The following PTPRM variants were observed in gnomAD, a reference collection of about 807,000 sequenced individuals.
PTPRM encodes receptor-type tyrosine-protein phosphatase mu.
In PTPRM, 47 loss-of-function variants were observed where a neutral mutation model predicts 186.7. That is an observed-to-expected ratio of 0.25 (90% CI 0.20 to 0.32). The LOEUF (loss-of-function observed/expected upper bound fraction) is 0.32, where lower values mean the gene tolerates loss of function less well. Among genes scored for constraint, PTPRM ranks in the 10% least tolerant of loss-of-function variants. PTPRM has a pLI of 1.00. For missense variants in PTPRM, 1,494 were observed against 1,865.0 expected, an observed-to-expected ratio of 0.80 and a Z score of 3.66; for synonymous variants, 668 against 674.9, an observed-to-expected ratio of 0.99 and a Z score of 0.16.
At chr18:7,950,275 G>A (rs986979641) in intron 6 of PTPRM, among the ~76,000 whole-genome samples, 2 of 152,142 alleles carry the variant, frequency 1.3e-5, no homozygotes, top group African/African-American at 2.4e-5. Flanking sequence ...TGTGGTGGCA[G>A]TGCCTATACT....
At chr18:8,249,234 C>T (rs527917940) in intron 17 of PTPRM, among the ~76,000 whole-genome samples, 14 of 152,110 alleles carry the variant, frequency 9.2e-5, no homozygotes, top group East Asian at 3.9e-4. Flanking sequence ...TAAGTTGTTA[C>T]GATTTTTGTA....
chr18:8,335,774 C>T (rs936038987), intron 22 of PTPRM, among the ~76,000 whole-genome samples: 1 of 152,164 alleles, frequency 6.6e-6, no homozygotes, highest in African/African-American at 2.4e-5. Context: ...GTAATCCCAG[C>T]ACTTTGGGAA....
At chr18:8,330,169 C>T (rs1027946391) in intron 22 of PTPRM, among the ~76,000 whole-genome samples, 1 of 152,066 alleles carries the variant, frequency 6.6e-6, no homozygotes, top group Non-Finnish European at 1.5e-5. Context: ...AAAATAAGAC[C>T]AAGTGCAGCC....
intron 7 of PTPRM, among the ~76,000 whole-genome samples, chr18:7,988,149 C>T (rs1442167201): frequency 2.0e-5 from 3 of 151,982 alleles, no homozygotes; most frequent in Admixed American, 6.6e-5. Flanking sequence ...CATGCTACTG[C>T]ACTCCAGCTT....
At chr18:8,021,463 A>C (rs2085230295) in intron 7 of PTPRM, among the ~76,000 whole-genome samples, 1 of 151,146 alleles carries the variant, frequency 6.6e-6, no homozygotes, top group African/African-American at 2.4e-5. Flanking sequence ...TCAACCCGTC[A>C]TCTAGATTTT....
Position 8,106,779 on chromosome 18 carries a change from G to T in PTPRM, c.1857-6707G>T, listed in dbSNP as rs772571933. On this transcript the variant is annotated intron_variant, in intron 11 of 32. Coordinates refer to ENST00000580170, the MANE Select transcript of PTPRM (RefSeq NM_001105244.2). ...GTGCTGAGAGTCATAAAATATTAGC[G>T]CCTGAAGGGCTTTAGTGGTCAGTTG... 7.9e-5 allele frequency among the ~76,000 whole-genome samples: 12 copies of T among 152,260 alleles called. No homozygotes were observed. In the South Asian group the frequency reaches 2.3e-3, roughly 29 times the overall value.
chr18:8,030,186 A>C (rs140802295), intron 7 of PTPRM, among the ~76,000 whole-genome samples: 177 of 152,344 alleles, frequency 1.2e-3, no homozygotes, highest in African/African-American at 4.0e-3. Context: ...CTTTATTCAC[A>C]TAGTCCATGT....
At chr18:8,086,513 A>T (rs2090443216) in intron 10 of PTPRM, among the ~76,000 whole-genome samples, 1 of 152,174 alleles carries the variant, frequency 6.6e-6, no homozygotes, top group African/African-American at 2.4e-5. Flanking sequence ...GCAATAAAAA[A>T]ATTGCATGAA....
At chr18:7,790,255 C>A (rs8091484) in intron 2 of PTPRM, among the ~76,000 whole-genome samples, 2,374 of 152,282 alleles carry the variant, frequency 0.016, 42 homozygotes, top group African/African-American at 0.048. Flanking sequence ...CCAGTAGATA[C>A]GAACAATATT....
At chr18:7,674,927 C>T (rs561553375) in intron 1 of PTPRM, among the ~76,000 whole-genome samples, 3 of 152,186 alleles carry the variant, frequency 2.0e-5, no homozygotes, top group Non-Finnish European at 4.4e-5. Flanking sequence ...GTGTTTCAAA[C>T]GCATCAGTAG....
At position 8,014,306 on chromosome 18, in the gene PTPRM, A is replaced by G. The variant is rs2084721494; in HGVS notation, c.1133-55380A>G. On this transcript the variant is annotated intron_variant, in intron 7 of 32. Coordinates refer to ENST00000580170, the MANE Select transcript of PTPRM (RefSeq NM_001105244.2). ...TTTTAAGCAAATTATTTGGTTTTTC[A>G]TGATAAGTAATCTTTTGACTGAAAA... Among the ~76,000 whole-genome samples, 3 of 152,190 alleles carry G rather than the reference A, an allele frequency of 2.0e-5. No homozygotes were observed. The South Asian group carries it at 6.2e-4, about 32-fold the overall frequency.
intron 2 of PTPRM, among the ~76,000 whole-genome samples, chr18:7,883,795 T>C (rs2048626331): frequency 6.6e-6 from 1 of 152,300 alleles, no homozygotes; most frequent in African/African-American, 2.4e-5. Context: ...TTAGGTGAAT[T>C]ATAGTAGGAC....
intron 2 of PTPRM, among the ~76,000 whole-genome samples, chr18:7,826,578 T>G (rs910206830): frequency 1.3e-5 from 2 of 152,248 alleles, no homozygotes; most frequent in Non-Finnish European, 2.9e-5. Context: ...TGTTGAATAT[T>G]TCATGGTTAT....
chr18:8,222,585 G>A (rs1347344405), intron 14 of PTPRM, among the ~76,000 whole-genome samples: 5 of 152,202 alleles, frequency 3.3e-5, no homozygotes, highest in Non-Finnish European at 2.9e-5. Flanking sequence ...TCTGAGCGGG[G>A]ACAGAGAATG....
chr18:8,193,149 A>AAATGG (rs974031109), intron 14 of PTPRM, among the ~76,000 whole-genome samples: 1 of 152,190 alleles, frequency 6.6e-6, no homozygotes, highest in African/African-American at 2.4e-5. Flanking sequence ...ACTAAGTTGC[A>AAATGG]AATGGTTAGG....
chr18:7,795,410 T>G (rs1179979620), intron 2 of PTPRM, among the ~76,000 whole-genome samples: 1 of 152,074 alleles, frequency 6.6e-6, no homozygotes, highest in East Asian at 1.9e-4. Flanking sequence ...TCAGGGTTCT[T>G]CTCTTTCTTT....
At chr18:8,083,313 A>G (rs1039425404) in intron 9 of PTPRM, among the ~76,000 whole-genome samples, 2 of 152,110 alleles carry the variant, frequency 1.3e-5, no homozygotes, top group African/African-American at 4.8e-5. Flanking sequence ...GTATGGTCCT[A>G]CCCACTTCTC....
intron 7 of PTPRM, among the ~76,000 whole-genome samples, chr18:8,041,742 G>A (rs1251203601): frequency 6.6e-6 from 1 of 152,200 alleles, no homozygotes; most frequent in African/African-American, 2.4e-5. Flanking sequence ...CTAGGGTGCA[G>A]TGGGGCAAAC....
intron 7 of PTPRM, among the ~76,000 whole-genome samples, chr18:7,974,933 T>C (rs931415476): frequency 1.3e-5 from 2 of 152,218 alleles, no homozygotes; most frequent in Admixed American, 6.5e-5. Flanking sequence ...TGTGAAAAGA[T>C]CCTGACTGGC....
Sources: gnomAD v4.1 joint callset for allele counts (sites outside exome capture counted in the v4.1 genomes callset) on GRCh38, gnomAD v4.1.1 for gene constraint, MANE v1.5 for transcripts, NCBI Gene and HGNC (gene_info 2026-07-23, HGNC 2026-07-21) for gene names.